Variants in WDFY4 observed in about 807,000 individuals in gnomAD.
WDFY4 encodes WD repeat- and FYVE domain-containing protein 4.
WDFY4 carries 169 observed loss-of-function variants against 351.9 expected under a neutral mutation model. The ratio of observed to expected loss-of-function variants is 0.48; its 90% CI spans 0.42 to 0.55. The LOEUF is 0.55. Ranked by LOEUF, WDFY4 falls within the 20% of genes least tolerant of loss-of-function variation. The pLI, the probability that WDFY4 is intolerant of heterozygous loss-of-function variation, is 0.00. For synonymous variants in WDFY4, 1,622 were observed against 1,574.6 expected, an observed-to-expected ratio of 1.03 and a Z score of -0.71; for missense variants, 3,803 against 3,935.6, an observed-to-expected ratio of 0.97 and a Z score of 0.90.
chr10:48,932,938 G>T (rs1840111996), intron 47 of WDFY4, among the ~76,000 whole-genome samples: 1 of 152,184 alleles, frequency 6.6e-6, no homozygotes, highest in East Asian at 1.9e-4. Flanking sequence ...AGGGCGAAGA[G>T]CTGAGCAAGG....
At chr10:48,695,262 C>A (rs1180818100) in intron 1 of WDFY4, among the ~76,000 whole-genome samples, 4 of 152,222 alleles carry the variant, frequency 2.6e-5, no homozygotes, top group Non-Finnish European at 5.9e-5. Flanking sequence ...GGCCTCCCAG[C>A]TTGTTGTGTG....
rs1390484135 is a variant in WDFY4 at position 48,875,076 on chromosome 10, G to A, written c.6949-13G>A. 1 of 1,468,768 alleles carries A rather than the reference G, an allele frequency of 6.8e-7. No homozygotes were observed. Among genetic ancestry groups the A allele is most frequent in the Non-Finnish European group, 9.1e-7 (1 of 1,104,712 alleles). The allele number at this position is 1,468,768 out of a possible 1,614,324, so 91.0% of individuals were successfully genotyped here. The stretch of plus-strand genomic sequence containing the variant: ...CCAGGATTTAATTTTTCTTTTCAAT[G>A]TCCTTATTTCAGGAAAGCCAAGACA... On this transcript the variant is annotated splice_polypyrimidine_tract_variant and intron_variant, in intron 41 of 61. Transcript: ENST00000325239.
chr10:48,874,804 T>G (rs2069930923), intron 41 of WDFY4, among the ~76,000 whole-genome samples: 1 of 152,170 alleles, frequency 6.6e-6, no homozygotes, highest in Non-Finnish European at 1.5e-5. Flanking sequence ...ACAGAGACAT[T>G]GAGGATGCTA....
rs973741025 is a variant in WDFY4, at chr10:48,814,023, G to A, written c.5281G>A (p.Gly1761Arg). 1 of 1,550,854 alleles carries A rather than the reference G, an allele frequency of 6.4e-7. No individual in the cohort carries two copies. The highest frequency in any genetic ancestry group is 8.7e-7 in the Non-Finnish European group (1 of 1,146,502). Reference sequence around the variant, plus strand: ...CCACCAGGAAGAAGTCCTCCAGGCTGGGCTGTGCACAGAAGGTGCCTTGCT... The same window carrying A: ...CCACCAGGAAGAAGTCCTCCAGGCTAGGCTGTGCACAGAAGGTGCCTTGCT... ...RHHQEEVLQAGLCTEGALLLL... is the reference protein window; with the variant it reads ...RHHQEEVLQARLCTEGALLLL... Residue 1761 changes from glycine (G) to arginine (R), a missense_variant, in exon 31 of 62, where the codon GGG (glycine) becomes AGG (arginine). This residue lies in a region of WDFY4 where 3,054 missense variants were observed against 3,148.6 expected (regional missense o/e 0.97). Coordinates refer to ENST00000325239, the MANE Select transcript of WDFY4 (RefSeq NM_001394531.1).
At chr10:48,873,754 C>T in intron 41 of WDFY4, 57 bp downstream of exon 41, 1 of 1,525,656 alleles carries the variant, frequency 6.6e-7, no homozygotes. Context: ...GATAGGAAAG[C>T]AGCTCCTGAG....
chr10:48,698,142 C>T (rs1043720800), intron 1 of WDFY4, among the ~76,000 whole-genome samples: 7 of 152,166 alleles, frequency 4.6e-5, no homozygotes, highest in East Asian at 3.9e-4. Context: ...TTTTTTCAGA[C>T]GAGGATTGGC....
chr10:48,751,845 G>A (rs995479777), intron 12 of WDFY4, among the ~76,000 whole-genome samples: 5 of 152,110 alleles, frequency 3.3e-5, no homozygotes, highest in Non-Finnish European at 5.9e-5. Context: ...CAGCTGCTGT[G>A]GGTGGCAGGA....
At chr10:48,968,978 G>C in intron 55 of WDFY4, 86 bp from the exon 56 acceptor site, 1 of 1,381,780 alleles carries the variant, frequency 7.2e-7, no homozygotes, top group East Asian at 2.5e-5. Context: ...AGTCCAGTGT[G>C]TCTGCCTGTG....
chr10:48,953,511 C>G lies in WDFY4; in HGVS notation c.7978-3618C>G, dbSNP rs139467790. ...CCAGTCTGCTTCTGAAGCCAGTGTG[C>G]TTTCCACCGTTGCATACTGCCTCTT... On this transcript the variant is annotated intron_variant, in intron 51 of 61. Transcript: ENST00000325239. 2.2e-3 allele frequency among the ~76,000 whole-genome samples: 330 copies of G among 152,326 alleles called. 1 individual carries two copies. Among genetic ancestry groups the G allele is most frequent in the African/African-American group, 7.5e-3 (311 of 41,572 alleles).
intron 1 of WDFY4, among the ~76,000 whole-genome samples, chr10:48,699,918 C>A (rs913391712): frequency 6.6e-6 from 1 of 152,168 alleles, no homozygotes; most frequent in Admixed American, 6.5e-5. Flanking sequence ...CCTGAACCAG[C>A]TGCCTCCTCA....
chr10:48,735,985 A>G lies in WDFY4; in HGVS notation c.1793A>G (p.Asn598Ser), dbSNP rs2064649700. 1.9e-6 allele frequency: 3 copies of G among 1,551,744 alleles called. No individual in the cohort carries two copies. Among genetic ancestry groups the G allele is most frequent in the South Asian group, 2.4e-5 (2 of 84,062 alleles). Residue 598 changes from asparagine (N) to serine (S), a missense_variant, in exon 11 of 62, where the codon AAC becomes AGC. Physicochemically the swap from Asn to Ser is conservative, Grantham distance 46. Transcript: ENST00000325239. ...ATCTTGGAGCAGCTCTCAGCCATCA[A>G]CGCCGAGGAGTACATGAGCATCATT... is the stretch of plus-strand genomic sequence containing the variant. Reference protein sequence around the residue: ...LSILEQLSAINAEEYMSIIVG... With the variant: ...LSILEQLSAISAEEYMSIIVG...
chr10:48,891,378 A>C (rs933210520), intron 44 of WDFY4, among the ~76,000 whole-genome samples: 1 of 152,226 alleles, frequency 6.6e-6, no homozygotes, highest in East Asian at 1.9e-4. Context: ...CTATTTGGGT[A>C]CAGTCAGCCC....
At chr10:48,920,423 G>C (rs925911443) in intron 47 of WDFY4, among the ~76,000 whole-genome samples, 1 of 151,858 alleles carries the variant, frequency 6.6e-6, no homozygotes, top group Non-Finnish European at 1.5e-5. Context: ...GTTAAATGAC[G>C]AATTAATGGG....
intron 39 of WDFY4, among the ~76,000 whole-genome samples, chr10:48,858,455 T>G (rs989523680): frequency 2.6e-5 from 4 of 152,346 alleles, no homozygotes; most frequent in African/African-American, 9.6e-5. Context: ...CAACACCATT[T>G]GCTGAAAAGC....
At chr10:48,780,685 C>T (rs1312374683) in intron 19 of WDFY4, among the ~76,000 whole-genome samples, 1 of 152,138 alleles carries the variant, frequency 6.6e-6, no homozygotes, top group Non-Finnish European at 1.5e-5. Flanking sequence ...TAAGAGAAAG[C>T]TGGGAAAAGG....
intron 39 of WDFY4, among the ~76,000 whole-genome samples, chr10:48,842,982 A>G (rs2068660010): frequency 6.6e-6 from 1 of 152,230 alleles, no homozygotes; most frequent in Non-Finnish European, 1.5e-5. Context: ...TTTTGGCAAC[A>G]AGACTATGGT....
chr10:48,933,461 G>T (rs1228265166), intron 47 of WDFY4, among the ~76,000 whole-genome samples: 6 of 152,174 alleles, frequency 3.9e-5, no homozygotes, highest in Non-Finnish European at 2.9e-5. Context: ...ATGTCAGATG[G>T]CTCTCTTGGC....
At chr10:48,861,009 T>C (rs974636609) in intron 39 of WDFY4, among the ~76,000 whole-genome samples, 3 of 152,188 alleles carry the variant, frequency 2.0e-5, no homozygotes, top group Admixed American at 6.5e-5. Flanking sequence ...TGGCTACCAA[T>C]GTGGGTTACT....
At chr10:48,913,697 G>C (rs748422745) in intron 47 of WDFY4, 1 of 1,612,800 alleles carries the variant, frequency 6.2e-7, no homozygotes, top group African/African-American at 1.3e-5. Flanking sequence ...TCAGTAGGTT[G>C]TCATGGAGCC....
Sources: allele counts gnomAD v4.1 joint callset (sites outside exome capture counted in the v4.1 genomes callset), GRCh38; gene constraint gnomAD v4.1.1; regional missense constraint gnomAD v4.1.1; transcripts MANE v1.5; gene names NCBI Gene and HGNC (gene_info 2026-07-23, HGNC 2026-07-21).